Variants in TEX15 observed in about 807,000 individuals in gnomAD.
TEX15 encodes testis expressed 15, meiosis and synapsis associated, also known as testis-expressed protein 15.
Under a neutral mutation model 237.3 loss-of-function variants are expected in TEX15, and 171 were observed. The ratio of observed to expected loss-of-function variants is 0.72; its 90% CI spans 0.64 to 0.82. The LOEUF (loss-of-function observed/expected upper bound fraction) is 0.82. Ranked by LOEUF, TEX15 falls within the 40% of genes least tolerant of loss-of-function variation. The pLI is 0.00. For synonymous variants in TEX15, 1,338 were observed against 1,269.8 expected (o/e 1.05, Z -1.14); for missense variants, 3,750 against 3,646.5 (o/e 1.03, Z -0.73).
chr8:30,887,152 C>T lies in TEX15; in HGVS notation c.136+15G>A, dbSNP rs1451036275. 4 of 1,519,734 alleles carry T rather than the reference C, an allele frequency of 2.6e-6. No homozygotes were observed. Among genetic ancestry groups the T allele is most frequent in the Non-Finnish European group, 1.8e-6 (2 of 1,141,688 alleles). 94.1% of individuals were successfully genotyped at this position (1,519,734 alleles called of 1,614,324 possible). ...TAATAGTTACTAAAAAAATTCCCAA[C>T]CACAGAAATATTACCTTTCTCAGCT... On this transcript the variant is annotated intron_variant, in intron 3 of 10. Transcript: ENST00000643185.
Position 30,847,044 on chromosome 8 carries a change from T to C in TEX15, c.3123A>G (p.Ser1041=), listed in dbSNP as rs1422635454. 1.2e-6 allele frequency: 2 copies of C among 1,612,792 alleles called. No individual in the cohort carries two copies. Among genetic ancestry groups the C allele is most frequent in the Non-Finnish European group, 1.7e-6 (2 of 1,179,246 alleles). ...AGTTCTCATTTATTGATTGATGAAA[T>C]GATTCTTGTGATTTATTTTTATCCG... is the stretch of plus-strand genomic sequence containing the variant. ...IDTDKNKSQE[S]FHQSINENLV... Residue 1041 remains serine, a synonymous_variant, in exon 8 of 11, where the codon TCA becomes TCG. Transcript: ENST00000643185.
At position 30,843,527 on chromosome 8, in the gene TEX15, T is replaced by C. The variant is rs904463378; in HGVS notation, c.6640A>G (p.Ser2214Gly). The change falls in exon 8 of 11, where the codon AGT becomes GGT. Residue 2214 changes from serine to glycine, a missense_variant. Transcript: ENST00000643185. Reference protein sequence around the residue: ...SLEDLEILRKSTLKLINVCGD... With the variant: ...SLEDLEILRKGTLKLINVCGD... ...CATACATTGATCAACTTTAAAGTAC[T>C]TTTTCTTAAGATTTCCAGGTCTTCT... 1 of 1,613,120 alleles carries C rather than the reference T, an allele frequency of 6.2e-7. No individual in the cohort carries two copies. Among genetic ancestry groups the C allele is most frequent in the Non-Finnish European group, 8.5e-7 (1 of 1,179,658 alleles).
Position 30,832,529 on chromosome 8 carries a change from C to G in TEX15, c.*757G>C, listed in dbSNP as rs1807203851. ...TAAAAAGAAAAGTCTATGACAAGAG[C>G]ATGAAAAAACTATGTTTGTGCCACA... On this transcript the variant is annotated 3_prime_UTR_variant, in exon 11 of 11. Coordinates refer to ENST00000643185, the MANE Select transcript of TEX15 (RefSeq NM_001350162.2). 1 of 152,158 alleles carries G rather than the reference C, an allele frequency of 6.6e-6. No individual in the cohort carries two copies. Among genetic ancestry groups the G allele is most frequent in the Admixed American group, 6.6e-5 (1 of 15,266 alleles). 9.4% of individuals were successfully genotyped at this position (152,158 alleles called of 1,614,324 possible). A position where few individuals can be genotyped will look rare whatever the true frequency, so the allele number is the denominator to read the frequency against.
chr8:30,893,305 G>A (rs1225351424), intron 2 of TEX15, among the ~76,000 whole-genome samples: 1 of 152,216 alleles, frequency 6.6e-6, no homozygotes, highest in East Asian at 1.9e-4. Context: ...ACTCAATCAC[G>A]AGGCAAATGA....
chr8:30,837,789 C>T lies in TEX15; in HGVS notation c.8495G>A (p.Ser2832Asn), dbSNP rs771875713. 8 of 1,614,138 alleles carry T rather than the reference C, an allele frequency of 5.0e-6. No homozygotes were observed. The Middle Eastern group carries it at 4.9e-4, about 100-fold the overall frequency. The part of the protein sequence containing the change: ...NVNFSAAETK[S>N]DKKDCAAFAI... Reference sequence around the variant, plus strand: ...AAAAGCAGCACAATCTTTCTTATCACTTTTTGTTTCAGCAGCACTGAAGTT... The same window carrying T: ...AAAAGCAGCACAATCTTTCTTATCATTTTTTGTTTCAGCAGCACTGAAGTT... The change falls in exon 10 of 11, where the codon AGT becomes AAT. Residue 2832 changes from serine (S) to asparagine (N), a missense_variant. Coordinates refer to ENST00000643185, the MANE Select transcript of TEX15 (RefSeq NM_001350162.2).
In TEX15 at chr8:30,837,423, AGTTT is replaced by A. The variant is rs772097514; in HGVS notation, c.8857_8860del (p.Lys2953TyrfsTer13). The A allele has an allele frequency of 5.6e-6, 9 of 1,614,054 alleles. No homozygotes were observed. Among genetic ancestry groups the A allele is most frequent in the African/African-American group, 2.7e-5 (2 of 74,936 alleles). Reference sequence around the variant, plus strand: ...CTCTGACTCAGTTTCTGTAGGCTGTAGTTTGTTTATCTGCAGAGTAGGAATTTTG... The same window carrying A: ...CTCTGACTCAGTTTCTGTAGGCTGTAGTTTATCTGCAGAGTAGGAATTTTG... On this transcript the variant is annotated frameshift_variant, in exon 10 of 11. Transcript: ENST00000643185. LOFTEE classifies it high-confidence loss of function.
intron 1 of TEX15, among the ~76,000 whole-genome samples, chr8:30,903,152 T>C (rs2128779438): frequency 6.6e-6 from 1 of 152,378 alleles, no homozygotes; most frequent in Non-Finnish European, 1.5e-5. Context: ...AATCTTGTTT[T>C]AATGACCTAT....
chr8:30,851,693 A>T (rs1009550746), intron 7 of TEX15, among the ~76,000 whole-genome samples: 1 of 151,062 alleles, frequency 6.6e-6, no homozygotes, highest in Admixed American at 6.6e-5. Context: ...AAACCTAATT[A>T]CTTAAGTTTA....
In TEX15 at chr8:30,858,686, C is replaced by T; in HGVS notation, c.832G>A (p.Gly278Arg). ...ATCTTACCAGCTCTCTTAGGAAATC[C>T]TGTTGAGAGGAATCTCAAAGATGTC... ...LMTSLRFLST[G>R]FPKRAERTCS... Residue 278 changes from glycine (G) to arginine (R), a missense_variant, in exon 7 of 11, where the codon GGA becomes AGA. Gly to Arg is a moderately radical substitution (Grantham distance 125). Coordinates refer to ENST00000643185, the MANE Select transcript of TEX15 (RefSeq NM_001350162.2). The T allele has an allele frequency of 6.5e-7, 1 of 1,534,088 alleles. No individual in the cohort carries two copies. Among genetic ancestry groups the T allele is most frequent in the South Asian group, 1.2e-5 (1 of 83,576 alleles).
At position 30,848,536 on chromosome 8, in the gene TEX15, A is replaced by C. The variant is rs575713960; in HGVS notation, c.1631T>G (p.Val544Gly). Residue 544 changes from valine (V) to glycine (G), a missense_variant, in exon 8 of 11, where the codon GTG (valine) becomes GGG (glycine). Transcript: ENST00000643185. ...DQGNFSFPIS[V>G]SNVVSEVENQ... ...CTCAACCTCTGACACTACATTTGAC[A>C]CAGAAATTGGGAAGGAAAAATTACC... 8 of 1,614,090 alleles carry C rather than the reference A, an allele frequency of 5.0e-6. No individual in the cohort carries two copies. The South Asian group carries it at 5.5e-5, about 11-fold the overall frequency.
In TEX15 at chr8:30,837,990, T is replaced by A. The variant is rs1430079995; in HGVS notation, c.8294A>T (p.His2765Leu). The A allele has an allele frequency of 6.2e-7, 1 of 1,614,136 alleles. No homozygotes were observed. The highest frequency in any genetic ancestry group is 2.2e-5 in the East Asian group (1 of 44,876). ...PSSCDSLKRN[H>L]LTPKKVEMQR... is the part of the protein sequence containing the mutation. ...CATTTCAACCTTTTTTGGCGTTAAATGATTTCTTTTCAGACTGTCACATGA... is the reference window on the plus strand; with the variant it reads ...CATTTCAACCTTTTTTGGCGTTAAAAGATTTCTTTTCAGACTGTCACATGA... The change falls in exon 10 of 11, where the codon CAT (histidine) becomes CTT (leucine). Residue 2765 changes from histidine to leucine, a missense_variant. By Grantham distance (99) the His-to-Leu change is moderately conservative. Coordinates refer to ENST00000643185, the MANE Select transcript of TEX15 (RefSeq NM_001350162.2).
In TEX15 at chr8:30,878,014, ACT is replaced by A. The variant is rs1808435845; in HGVS notation, c.137-2914_137-2913del. Among the ~76,000 whole-genome samples the A allele has an allele frequency of 2.7e-5, 4 of 149,238 alleles. No homozygotes were observed. The South Asian group carries it at 8.5e-4, about 32-fold the overall frequency. ...CTGTCCCTAAATCCTGAAAATTATT[ACT>A]CTCTTCTCCGTATGCATACTTTTGT... On this transcript the variant is annotated intron_variant, in intron 3 of 10. Coordinates refer to ENST00000643185, the MANE Select transcript of TEX15 (RefSeq NM_001350162.2).
intron 9 of TEX15, among the ~76,000 whole-genome samples, chr8:30,838,380 T>C (rs973739147): frequency 3.3e-5 from 5 of 152,116 alleles, no homozygotes; most frequent in East Asian, 1.9e-4. Context: ...TTGTTCAGTA[T>C]AGTTTTTTAA....
chr8:30,860,270 C>T (rs942490742), intron 5 of TEX15, among the ~76,000 whole-genome samples: 8 of 151,832 alleles, frequency 5.3e-5, no homozygotes, highest in Non-Finnish European at 2.9e-5. Context: ...TACAGGTAAG[C>T]ACCACCGTGC....
At chr8:30,856,416 T>C (rs931610977) in intron 7 of TEX15, among the ~76,000 whole-genome samples, 3 of 151,114 alleles carry the variant, frequency 2.0e-5, no homozygotes, top group Non-Finnish European at 4.4e-5. Flanking sequence ...ATTAGCCAGG[T>C]GTGGTGGTGC....
intron 1 of TEX15, among the ~76,000 whole-genome samples, chr8:30,912,321 G>A (rs1278338337): frequency 2.0e-5 from 1 of 50,990 alleles, no homozygotes; most frequent in Admixed American, 2.1e-4. Flanking sequence ...TTGCGGTCCC[G>A]GGGCGGCGGG....
chr8:30,847,028 T>C lies in TEX15; in HGVS notation c.3139A>G (p.Asn1047Asp), dbSNP rs771033509. 1 of 1,612,750 alleles carries C rather than the reference T, an allele frequency of 6.2e-7. No homozygotes were observed. ...KSQESFHQSI[N>D]ENLVLQSIEL... is the part of the protein sequence containing the mutation. Reference sequence around the variant, plus strand: ...ATGCTCTGAAGAACTAAGTTCTCATTTATTGATTGATGAAATGATTCTTGT... The same window carrying C: ...ATGCTCTGAAGAACTAAGTTCTCATCTATTGATTGATGAAATGATTCTTGT... Residue 1047 changes from asparagine (N) to aspartate (D), a missense_variant, in exon 8 of 11, where the codon AAT (asparagine) becomes GAT (aspartate). By Grantham distance (23) the Asn-to-Asp change is conservative (BLOSUM62 1). Coordinates refer to ENST00000643185, the MANE Select transcript of TEX15 (RefSeq NM_001350162.2).
chr8:30,881,617 TTTTTTTTTATTA>T lies in TEX15; in HGVS notation c.136+5538_136+5549del, dbSNP rs1808525415. ...ATTATCCTTCCATCTTGACTTTTTA[TTTTTTTTTATTA>T]TTTTTTTTTTTTGAGACAGTCTTGC... On this transcript the variant is annotated intron_variant, in intron 3 of 10. Coordinates refer to ENST00000643185, the MANE Select transcript of TEX15 (RefSeq NM_001350162.2). 3.3e-5 allele frequency among the ~76,000 whole-genome samples: 4 copies of T among 120,840 alleles called. No individual in the cohort carries two copies. The South Asian group carries it at 7.1e-4, about 21-fold the overall frequency. 79.3% of individuals were successfully genotyped at this position (120,840 alleles called of 152,430 possible).
intron 7 of TEX15, among the ~76,000 whole-genome samples, chr8:30,850,823 A>G (rs542468448): frequency 1.3e-5 from 2 of 152,304 alleles, no homozygotes; most frequent in East Asian, 1.9e-4. Context: ...ATTACATATA[A>G]ATTATTTTAA....
Sources: allele counts gnomAD v4.1 joint callset (sites outside exome capture counted in the v4.1 genomes callset), GRCh38; gene constraint gnomAD v4.1.1; transcripts MANE v1.5; gene names NCBI Gene and HGNC (gene_info 2026-07-23, HGNC 2026-07-21).